ASTN1: variants seen among roughly 807,000 people sequenced by gnomAD.
ASTN1 encodes the protein astrotactin-1.
A neutral mutation model predicts 140.7 loss-of-function variants in ASTN1; 41 were observed. That is an observed-to-expected ratio of 0.29 (90% CI 0.23 to 0.38). The LOEUF is 0.38. Among genes scored for constraint, ASTN1 ranks in the 10% least tolerant of loss-of-function variants. The pLI is 1.00. For synonymous variants in ASTN1, 640 were observed against 652.2 expected (o/e 0.98, Z 0.29); for missense variants, 1,479 against 1,678.8 (o/e 0.88, Z 2.08).
At chr1:177,137,308 T>C (rs1682249369) in intron 1 of ASTN1, among the ~76,000 whole-genome samples, 1 of 152,220 alleles carries the variant, frequency 6.6e-6, no homozygotes, top group South Asian at 2.1e-4. Context: ...CCATGTCTAA[T>C]TCCAGCCAAC....
At chr1:177,123,784 T>A (rs577723221) in intron 1 of ASTN1, among the ~76,000 whole-genome samples, 103 of 152,262 alleles carry the variant, frequency 6.8e-4, no homozygotes, top group Middle Eastern at 3.4e-3. Flanking sequence ...TTTTGGCCAG[T>A]GGTGCAGCAA....
intron 8 of ASTN1, among the ~76,000 whole-genome samples, chr1:176,994,791 A>G: frequency 6.6e-6 from 1 of 152,228 alleles, no homozygotes; most frequent in South Asian, 2.1e-4. Flanking sequence ...TGAAGATTAA[A>G]TGGGTTAATA....
chr1:177,098,941 G>A (rs1680174652), intron 1 of ASTN1, among the ~76,000 whole-genome samples: 1 of 152,130 alleles, frequency 6.6e-6, no homozygotes, highest in Non-Finnish European at 1.5e-5. Flanking sequence ...AATGTGAAAT[G>A]AGCCTGTAAG....
chr1:176,932,485 T>A (rs1671250577), intron 16 of ASTN1, among the ~76,000 whole-genome samples: 1 of 152,194 alleles, frequency 6.6e-6, no homozygotes, highest in South Asian at 2.1e-4. Flanking sequence ...GGAGAACACA[T>A]AAACCCTATA....
chr1:177,020,302 G>T (rs1208929683), intron 7 of ASTN1, among the ~76,000 whole-genome samples: 1 of 152,196 alleles, frequency 6.6e-6, no homozygotes, highest in Non-Finnish European at 1.5e-5. Flanking sequence ...AGTTTAACAT[G>T]AGTTTCACTG....
chr1:176,910,335 C>T (rs1670179105), intron 16 of ASTN1, among the ~76,000 whole-genome samples: 1 of 152,126 alleles, frequency 6.6e-6, no homozygotes, highest in Non-Finnish European at 1.5e-5. Context: ...TCCTCAGTCT[C>T]CCAGGGCTTT....
chr1:176,958,925 A>T (rs1672534402), intron 9 of ASTN1, among the ~76,000 whole-genome samples: 1 of 152,204 alleles, frequency 6.6e-6, no homozygotes, highest in Non-Finnish European at 1.5e-5. Flanking sequence ...GAAAATAAAG[A>T]AAGAAAGCAC....
chr1:176,876,770 A>T, intron 20 of ASTN1, 133 bp from the exon 21 acceptor site: 1 of 792,944 alleles, frequency 1.3e-6, no homozygotes, highest in Non-Finnish European at 2.0e-6. Flanking sequence ...ATCCTGGGTC[A>T]CGTTTACTGC....
intron 1 of ASTN1, among the ~76,000 whole-genome samples, chr1:177,099,896 T>A (rs1249335219): frequency 6.6e-6 from 1 of 152,246 alleles, no homozygotes; most frequent in Non-Finnish European, 1.5e-5. Flanking sequence ...TTTGATTATA[T>A]GCATTTTCAT....
chr1:176,974,739 A>T (rs993151047), intron 8 of ASTN1, among the ~76,000 whole-genome samples: 1 of 152,242 alleles, frequency 6.6e-6, no homozygotes, highest in Non-Finnish European at 1.5e-5. Context: ...AATAGTGAAC[A>T]AAATGTTGTA....
intron 16 of ASTN1, among the ~76,000 whole-genome samples, chr1:176,904,840 C>A (rs547814650): frequency 6.6e-6 from 1 of 152,172 alleles, no homozygotes; most frequent in South Asian, 2.1e-4. Flanking sequence ...GGAAGGGGCG[C>A]CCAGCATCAG....
At chr1:176,891,052 A>G (rs1669241062) in intron 17 of ASTN1, among the ~76,000 whole-genome samples, 1 of 152,192 alleles carries the variant, frequency 6.6e-6, no homozygotes, top group African/African-American at 2.4e-5. Context: ...AAATTAAAAA[A>G]AAAAAGAGTT....
intron 11 of ASTN1, among the ~76,000 whole-genome samples, chr1:176,953,766 T>A (rs1672291821): frequency 6.6e-6 from 1 of 152,132 alleles, no homozygotes. Context: ...AGCATAATGC[T>A]CTGGCAAGGA....
intron 1 of ASTN1, among the ~76,000 whole-genome samples, chr1:177,072,657 TTC>T (rs949247738): frequency 6.6e-6 from 1 of 152,200 alleles, no homozygotes; most frequent in African/African-American, 2.4e-5. Flanking sequence ...TCTATCTTAA[TTC>T]TAAAGCCCTC....
intron 1 of ASTN1, among the ~76,000 whole-genome samples, chr1:177,074,973 G>A (rs957185749): frequency 6.6e-6 from 1 of 151,980 alleles, no homozygotes; most frequent in Non-Finnish European, 1.5e-5. Context: ...ATATCTTGTG[G>A]GATCTCTTAT....
At chr1:176,978,945 A>C (rs1169525306) in intron 8 of ASTN1, among the ~76,000 whole-genome samples, 1 of 152,166 alleles carries the variant, frequency 6.6e-6, no homozygotes, top group African/African-American at 2.4e-5. Flanking sequence ...TTTGTTCAGA[A>C]AATATGCATT....
chr1:177,157,514 C>T (rs962473314), intron 1 of ASTN1, among the ~76,000 whole-genome samples: 3 of 152,044 alleles, frequency 2.0e-5, no homozygotes, highest in African/African-American at 7.2e-5. Flanking sequence ...GGGGTTTTGT[C>T]ATGTTGCCAA....
At chr1:176,978,061 G>A (rs1017056716) in intron 8 of ASTN1, among the ~76,000 whole-genome samples, 3 of 152,170 alleles carry the variant, frequency 2.0e-5, no homozygotes, top group South Asian at 4.1e-4. Context: ...TTTAAGCTTC[G>A]AAGGATGCAC....
At chr1:176,963,399 C>G (rs1672748675) in intron 9 of ASTN1, among the ~76,000 whole-genome samples, 1 of 152,066 alleles carries the variant, frequency 6.6e-6, no homozygotes, top group Non-Finnish European at 1.5e-5. Context: ...TTCCTGGTAC[C>G]TAAAATAAAC....
Sources: allele counts gnomAD v4.1 joint callset (sites outside exome capture counted in the v4.1 genomes callset), GRCh38; gene constraint gnomAD v4.1.1; transcripts MANE v1.5; gene names NCBI Gene and HGNC (gene_info 2026-07-23, HGNC 2026-07-21).